The following SORCS2 variants were observed in gnomAD, a reference collection of about 807,000 sequenced individuals.
SORCS2 encodes the protein VPS10 domain-containing receptor SorCS2.
A neutral mutation model predicts 141.6 loss-of-function variants in SORCS2; 100 were observed. That is an observed-to-expected ratio of 0.71 (90% CI 0.60 to 0.83). SORCS2 has a LOEUF of 0.83. SORCS2 is among the 40% of genes least tolerant of loss of function. The pLI is 0.00. For synonymous variants in SORCS2, 789 were observed against 676.9 expected (o/e 1.17, Z -2.57); for missense variants, 1,646 against 1,560.2 (o/e 1.05, Z -0.93).
intron 7 of SORCS2, 123 bp from the exon 8 acceptor site, chr4:7,667,001 C>A: frequency 1.2e-6 from 1 of 846,812 alleles, no homozygotes; most frequent in Non-Finnish European, 2.0e-6. Flanking sequence ...TCAAGCAGAA[C>A]AGGTAGAAGG....
chr4:7,603,069 G>C (rs570174518), intron 3 of SORCS2, among the ~76,000 whole-genome samples: 1 of 152,124 alleles, frequency 6.6e-6, no homozygotes, highest in African/African-American at 2.4e-5. Context: ...TGAGGCAGGA[G>C]AATCAGGCAG....
At chr4:7,553,143 C>T (rs559417864) in intron 3 of SORCS2, among the ~76,000 whole-genome samples, 164 of 152,034 alleles carry the variant, frequency 1.1e-3, no homozygotes, top group Admixed American at 2.5e-3. Flanking sequence ...AGATGCTGGG[C>T]TGGGAGGGCA....
At chr4:7,535,385 G>A (rs1163759653) in intron 3 of SORCS2, among the ~76,000 whole-genome samples, 2 of 152,214 alleles carry the variant, frequency 1.3e-5, no homozygotes, top group East Asian at 3.8e-4. Context: ...AATGGGATGA[G>A]AGGCTGACCC....
intron 2 of SORCS2, among the ~76,000 whole-genome samples, chr4:7,527,329 T>C (rs1733758400): frequency 6.6e-6 from 1 of 152,232 alleles, no homozygotes; most frequent in African/African-American, 2.4e-5. Context: ...TGAAGGATCT[T>C]GGGATTATCC....
intron 1 of SORCS2, among the ~76,000 whole-genome samples, chr4:7,357,154 G>A (rs528818291): frequency 1.3e-5 from 2 of 152,224 alleles, no homozygotes; most frequent in African/African-American, 4.8e-5. Context: ...TCCTCCACCC[G>A]TGACCTTGAG....
intron 3 of SORCS2, among the ~76,000 whole-genome samples, chr4:7,627,146 C>T (rs1037224022): frequency 6.6e-5 from 10 of 152,082 alleles, no homozygotes; most frequent in East Asian, 3.9e-4. Flanking sequence ...CCACCAAGCC[C>T]GGCTAATTTT....
At chr4:7,347,570 C>G (rs1468942810) in intron 1 of SORCS2, among the ~76,000 whole-genome samples, 1 of 152,162 alleles carries the variant, frequency 6.6e-6, no homozygotes, top group Non-Finnish European at 1.5e-5. Flanking sequence ...TCACACAGCA[C>G]TTACGTGGTA....
intron 3 of SORCS2, among the ~76,000 whole-genome samples, chr4:7,550,629 A>T (rs1335447192): frequency 3.3e-5 from 5 of 152,352 alleles, no homozygotes; most frequent in East Asian, 3.9e-4. Flanking sequence ...CTGCTGTTAC[A>T]AAGAACCCAA....
rs780710725 is a variant in SORCS2 at position 7,433,768 on chromosome 4, C to T, written c.548+37413C>T. The T allele has an allele frequency of 4.5e-5, 72 of 1,613,446 alleles. 2 individuals are homozygous for T. The highest frequency in any genetic ancestry group is 2.4e-4 in the South Asian group (22 of 91,072). ...ATAGGCATCATGGACTGCCCGGGCC[C>T]GCCTCCGGTTGCCACACAGACGGAT... On this transcript the variant is annotated intron_variant, in intron 2 of 26. Coordinates refer to ENST00000507866, the MANE Select transcript of SORCS2 (RefSeq NM_020777.3).
rs187217922 is a variant in SORCS2, at chr4:7,686,999, G to A, written c.1489-2487G>A. Reference sequence around the variant, plus strand: ...GCAACCAGAATAGGCCACTAGTGGCGAGGGGTGGGGAGAGGTAGCTAGGGT... The same window carrying A: ...GCAACCAGAATAGGCCACTAGTGGCAAGGGGTGGGGAGAGGTAGCTAGGGT... On this transcript the variant is annotated intron_variant, in intron 10 of 26. Transcript: ENST00000507866. 8.7e-4 allele frequency among the ~76,000 whole-genome samples: 132 copies of A among 152,346 alleles called. No homozygotes were observed. In the Middle Eastern group the frequency reaches 0.01, roughly 12 times the overall value.
intron 1 of SORCS2, among the ~76,000 whole-genome samples, chr4:7,351,763 C>G (rs1047581799): frequency 1.3e-5 from 2 of 151,990 alleles, no homozygotes; most frequent in African/African-American, 4.8e-5. Flanking sequence ...AATCCATGCA[C>G]TCATCCACCC....
intron 3 of SORCS2, among the ~76,000 whole-genome samples, chr4:7,583,823 G>A (rs1030783743): frequency 2.6e-5 from 4 of 152,182 alleles, no homozygotes; most frequent in Non-Finnish European, 5.9e-5. Context: ...TAATACATAT[G>A]AGCACTTTAC....
At chr4:7,278,378 C>G (rs892509444) in intron 1 of SORCS2, among the ~76,000 whole-genome samples, 2 of 151,644 alleles carry the variant, frequency 1.3e-5, no homozygotes, top group Non-Finnish European at 2.9e-5. Context: ...TCAGGCATCA[C>G]AGGGCTTTGC....
At chr4:7,549,204 G>T (rs73214645) in intron 3 of SORCS2, among the ~76,000 whole-genome samples, 17 of 152,010 alleles carry the variant, frequency 1.1e-4, no homozygotes, top group Non-Finnish European at 1.3e-4. Context: ...ATCTCTACTG[G>T]TTTTTTATTA....
chr4:7,438,532 T>G (rs1727451378), intron 2 of SORCS2, among the ~76,000 whole-genome samples: 1 of 152,218 alleles, frequency 6.6e-6, no homozygotes, highest in South Asian at 2.1e-4. Flanking sequence ...GCCCATCATT[T>G]TCTAGCTCTG....
chr4:7,624,639 A>T (rs1719407402), intron 3 of SORCS2, among the ~76,000 whole-genome samples: 1 of 152,236 alleles, frequency 6.6e-6, no homozygotes, highest in Non-Finnish European at 1.5e-5. Context: ...CTTGCCTTCC[A>T]CTGTTCAATT....
At chr4:7,437,906 C>A (rs188363466) in intron 2 of SORCS2, among the ~76,000 whole-genome samples, 311 of 152,324 alleles carry the variant, frequency 2.0e-3, no homozygotes, top group Non-Finnish European at 3.0e-3. Context: ...TCTGTCCACA[C>A]ACATGTATAT....
In SORCS2 at chr4:7,233,343, C is replaced by T. The variant is rs1346797959; in HGVS notation, c.480+40217C>T. Among the ~76,000 whole-genome samples, 2 of 152,162 alleles carry T rather than the reference C, an allele frequency of 1.3e-5. No homozygotes were observed. The highest frequency in any genetic ancestry group is 2.4e-5 in the African/African-American group (1 of 41,434). On this transcript the variant is annotated intron_variant, in intron 1 of 26. Coordinates refer to ENST00000507866, the MANE Select transcript of SORCS2 (RefSeq NM_020777.3). The surrounding 1 kb of genome is among the most constrained non-coding windows in gnomAD (Gnocchi z 4.5). ...CACATCCAGGGTGTCATCATGATGA[C>T]GTCTCCTGGCCACCGCTGAGCACCT... is the stretch of plus-strand genomic sequence containing the variant.
chr4:7,221,870 G>T (rs547656847), intron 1 of SORCS2, among the ~76,000 whole-genome samples: 223 of 152,320 alleles, frequency 1.5e-3, no homozygotes, highest in Admixed American at 5.6e-3. Context: ...CCTGTGGTAG[G>T]AGGCACTGGT....
Sources: gnomAD v4.1 joint callset for allele counts (sites outside exome capture counted in the v4.1 genomes callset) on GRCh38, gnomAD v4.1.1 for gene constraint, Gnocchi (gnomAD v3.1) non-coding constraint, MANE v1.5 for transcripts, NCBI Gene and HGNC (gene_info 2026-07-23, HGNC 2026-07-21) for gene names.